The following SOX6 variants were observed in gnomAD, a reference collection of about 807,000 sequenced individuals.
SOX6 encodes the protein SRY-box transcription factor 6, also known as transcription factor SOX-6.
A neutral mutation model predicts 97.8 loss-of-function variants in SOX6; 11 were observed. The ratio of observed to expected loss-of-function variants is 0.11; its 90% confidence interval spans 0.07 to 0.19. The LOEUF (loss-of-function observed/expected upper bound fraction) is 0.19, where lower values mean the gene tolerates loss of function less well. Among genes scored for constraint, SOX6 ranks in the 10% least tolerant of loss-of-function variants. The pLI, the probability that SOX6 is intolerant of heterozygous loss-of-function variation, is 1.00. For synonymous variants in SOX6, 360 were observed against 371.4 expected (o/e 0.97, Z 0.35); for missense variants, 810 against 1,039.5 (o/e 0.78, Z 3.04).
intron 6 of SOX6, among the ~76,000 whole-genome samples, chr11:16,183,582 T>TA (rs934889675): frequency 6.6e-6 from 1 of 151,916 alleles, no homozygotes; most frequent in South Asian, 2.1e-4. Context: ...TCAGTGGCAA[T>TA]AAAAAATACC....
chr11:16,555,389 G>A (rs949052982), intron 4 of SOX6, among the ~76,000 whole-genome samples: 8 of 151,436 alleles, frequency 5.3e-5, no homozygotes, highest in South Asian at 4.2e-4. Context: ...GTATTTAAGT[G>A]TTTCTTAAAT....
At chr11:16,058,490 G>C (rs978639635) in intron 9 of SOX6, among the ~76,000 whole-genome samples, 6 of 151,980 alleles carry the variant, frequency 3.9e-5, no homozygotes, top group Admixed American at 3.9e-4. Context: ...TCTAAGTATG[G>C]GGTAGACTTA....
At chr11:16,284,716 G>A (rs966396583) in intron 3 of SOX6, among the ~76,000 whole-genome samples, 4 of 152,004 alleles carry the variant, frequency 2.6e-5, no homozygotes, top group African/African-American at 7.2e-5. Flanking sequence ...CAGGAAGTGT[G>A]GGTGCAATAG....
intron 4 of SOX6, among the ~76,000 whole-genome samples, chr11:16,229,616 A>G (rs1852790319): frequency 1.3e-5 from 2 of 151,932 alleles, no homozygotes. Context: ...TGGAAGAACT[A>G]AAAATAAAAT....
At chr11:16,537,449 G>A (rs1224449882) in intron 4 of SOX6, among the ~76,000 whole-genome samples, 1 of 152,160 alleles carries the variant, frequency 6.6e-6, no homozygotes, top group African/African-American at 2.4e-5. Flanking sequence ...TGTCAGCACT[G>A]GAACAAAACT....
chr11:16,443,028 T>A (rs1184409920), intron 1 of SOX6, among the ~76,000 whole-genome samples: 1 of 152,120 alleles, frequency 6.6e-6, no homozygotes, highest in Non-Finnish European at 1.5e-5. Context: ...ACTGAACTTT[T>A]TAGAATTCCT....
chr11:16,711,297 G>C (rs1259051115), intron 3 of SOX6, among the ~76,000 whole-genome samples: 1 of 152,160 alleles, frequency 6.6e-6, no homozygotes, highest in Non-Finnish European at 1.5e-5. Flanking sequence ...GAGAGGCCAA[G>C]GCAGGTGGAT....
intron 9 of SOX6, among the ~76,000 whole-genome samples, chr11:16,077,144 C>T (rs1848374675): frequency 6.6e-6 from 1 of 152,178 alleles, no homozygotes; most frequent in Non-Finnish European, 1.5e-5. Context: ...ATGATCAAAT[C>T]ACCTCTGACC....
At chr11:16,164,081 G>A (rs1850823947) in intron 6 of SOX6, among the ~76,000 whole-genome samples, 1 of 152,092 alleles carries the variant, frequency 6.6e-6, no homozygotes, top group Non-Finnish European at 1.5e-5. Context: ...CAAACTCCCA[G>A]GCTCAAGTGA....
intron 6 of SOX6, among the ~76,000 whole-genome samples, chr11:16,116,560 G>C (rs1277546308): frequency 6.6e-6 from 1 of 152,154 alleles, no homozygotes; most frequent in Non-Finnish European, 1.5e-5. Flanking sequence ...AGAATACAGA[G>C]AGATCACATG....
intron 12 of SOX6, among the ~76,000 whole-genome samples, chr11:16,042,074 C>T (rs907944844): frequency 1.3e-5 from 2 of 152,150 alleles, no homozygotes; most frequent in African/African-American, 2.4e-5. Context: ...TTCAAAACAT[C>T]CCTTCAAGAA....
intron 4 of SOX6, among the ~76,000 whole-genome samples, chr11:16,525,813 G>A (rs905801027): frequency 9.9e-5 from 15 of 152,234 alleles, no homozygotes; most frequent in Admixed American, 9.8e-4. Flanking sequence ...CCATCAACAA[G>A]TGGGCGAAGG....
At position 16,659,513 on chromosome 11, in the gene SOX6, G is replaced by A. The variant is rs183661530; in HGVS notation, n.430-47253C>T. ...TTCAATAATGTGTTAGCTATTCTGG[G>A]TTTTTCCCCTTCCATGTAAACTTTA... On this transcript the variant is annotated intron_variant and non_coding_transcript_variant, in intron 3 of 5. Transcript: ENST00000524520. 5.9e-3 allele frequency among the ~76,000 whole-genome samples: 899 copies of A among 152,198 alleles called. 2 individuals carry two copies. The highest frequency in any genetic ancestry group is 8.7e-3 in the Non-Finnish European group (589 of 67,996).
chr11:16,137,933 T>G lies in SOX6; in HGVS notation c.778-26010A>C, dbSNP rs565035203. ...TGTGCCTTCTGCCATGATTGTAAGTTTCCTAAGGCCTTCCCCAGCCATGCA... is the reference window on the plus strand; with the variant it reads ...TGTGCCTTCTGCCATGATTGTAAGTGTCCTAAGGCCTTCCCCAGCCATGCA... On this transcript the variant is annotated intron_variant, in intron 6 of 15. Coordinates refer to ENST00000683767, the MANE Select transcript of SOX6 (RefSeq NM_001367873.1). 2.6e-5 allele frequency among the ~76,000 whole-genome samples: 4 copies of G among 152,292 alleles called. No homozygotes were observed. The East Asian group carries it at 7.7e-4, about 29-fold the overall frequency.
At chr11:16,560,373 A>G (rs1847794505) in intron 4 of SOX6, among the ~76,000 whole-genome samples, 1 of 152,144 alleles carries the variant, frequency 6.6e-6, no homozygotes, top group Non-Finnish European at 1.5e-5. Flanking sequence ...AAAATGTAGC[A>G]GGTGCCTTGT....
rs527644492 is a variant in SOX6 at position 16,487,219 on chromosome 11, T to TA, written n.610-10832_610-10831insT. On this transcript the variant is annotated intron_variant and non_coding_transcript_variant, in intron 4 of 5. Transcript: ENST00000524520. ...TGATTTTTTAAAATATAAGGAGGTA[T>TA]TAGAAACTAGACATGGAATTTAGCT... Among the ~76,000 whole-genome samples the TA allele has an allele frequency of 5.9e-5, 9 of 152,306 alleles. No homozygotes were observed. In the South Asian group the frequency reaches 1.9e-3, roughly 32 times the overall value.
intron 12 of SOX6, among the ~76,000 whole-genome samples, chr11:16,029,027 G>A (rs980340562): frequency 1.3e-5 from 2 of 152,246 alleles, no homozygotes; most frequent in African/African-American, 4.8e-5. Flanking sequence ...CAAGGGTAGC[G>A]ACTGCACCAA....
chr11:16,484,205 G>A (rs1276097626), intron 4 of SOX6: 11 of 810,456 alleles, frequency 1.4e-5, no homozygotes, highest in Non-Finnish European at 2.5e-5. Context: ...GATGCCAATA[G>A]CTTTCACCAG....
chr11:16,619,435 C>T (rs967455394), intron 3 of SOX6, among the ~76,000 whole-genome samples: 1 of 151,732 alleles, frequency 6.6e-6, no homozygotes, highest in Non-Finnish European at 1.5e-5. Flanking sequence ...CTAGTAACTG[C>T]ATATTTGGTA....
Sources: allele counts gnomAD v4.1 joint callset (sites outside exome capture counted in the v4.1 genomes callset), GRCh38; gene constraint gnomAD v4.1.1; transcripts MANE v1.5; gene names NCBI Gene and HGNC (gene_info 2026-07-23, HGNC 2026-07-21).